The following FAM86B2 variants were observed in gnomAD, a reference collection of about 807,000 sequenced individuals.
FAM86B2 encodes family with sequence similarity 86 member B2.
FAM86B2 carries 1 observed loss-of-function variant against 26.5 expected under a neutral mutation model. That is an observed-to-expected ratio of 0.04 (90% CI 0.01 to 0.18). The LOEUF is 0.18. Ranked by LOEUF, FAM86B2 falls within the 10% of genes least tolerant of loss-of-function variation. FAM86B2 has a pLI of 1.00. For synonymous variants in FAM86B2, 11 were observed against 127.8 expected, an observed-to-expected ratio of 0.09 and a Z score of 6.17; for missense variants, 43 against 303.5, an observed-to-expected ratio of 0.14 and a Z score of 6.38.
At chr8:12,435,879 G>A (rs576207027) in intron 1 of FAM86B2, among the ~76,000 whole-genome samples, 1 of 142,622 alleles carries the variant, frequency 7.0e-6, no homozygotes, top group African/African-American at 2.6e-5. Flanking sequence ...GGAGGAGGTG[G>A]TTACCCGCGG....
At chr8:12,428,363 G>A (rs1812972941) in intron 6 of FAM86B2, among the ~76,000 whole-genome samples, 1 of 151,898 alleles carries the variant, frequency 6.6e-6, no homozygotes, top group African/African-American at 2.4e-5. Context: ...TGCGGTCTCT[G>A]AAGGACACAG....
chr8:12,428,030 A>C, intron 6 of FAM86B2, among the ~76,000 whole-genome samples: 1 of 62,194 alleles, frequency 1.6e-5, no homozygotes, highest in Non-Finnish European at 3.2e-5. Context: ...AAATCTCCAG[A>C]CTCACTGGTG....
Position 12,431,535 on chromosome 8 carries a change from TATAAATAA to T in FAM86B2, c.240+539_240+546del, listed in dbSNP as rs370935123. Among the ~76,000 whole-genome samples, 67 of 58,950 alleles carry T rather than the reference TATAAATAA, an allele frequency of 1.1e-3. 1 individual carries two copies. Among genetic ancestry groups the T allele is most frequent in the African/African-American group, 5.1e-3 (56 of 11,044 alleles). The allele number at this position is 58,950 out of a possible 152,430, so 38.7% of individuals were successfully genotyped here. A position where few individuals can be genotyped will look rare whatever the true frequency, so the allele number is the denominator to read the frequency against. On this transcript the variant is annotated intron_variant, in intron 3 of 7. Coordinates refer to ENST00000262365, the MANE Select transcript of FAM86B2 (RefSeq NM_001137610.3). Reference sequence around the variant, plus strand: ...GTGAGACTCTGTCTCAAAAAAAATATATAAATAAATAAATAAATAAATAAATAAATAAA... The same window carrying T: ...GTGAGACTCTGTCTCAAAAAAAATATATAAATAAATAAATAAATAAATAAA...
chr8:12,426,472 T>C (rs1372329324), intron 7 of FAM86B2, among the ~76,000 whole-genome samples: 39 of 4,556 alleles, frequency 8.6e-3, no homozygotes, highest in African/African-American at 0.03. Flanking sequence ...GACTTCCTTT[T>C]TTTTTTTTTT....
intron 1 of FAM86B2, among the ~76,000 whole-genome samples, chr8:12,434,942 C>T (rs1384872846): frequency 2.0e-5 from 3 of 151,732 alleles, no homozygotes; most frequent in Non-Finnish European, 4.4e-5. Context: ...CTGGTCTTTT[C>T]TTGTTTATTC....
intron 2 of FAM86B2, 147 bp downstream of exon 2, chr8:12,433,905 A>T: frequency 2.3e-6 from 1 of 441,204 alleles, no homozygotes. Context: ...AGGTGCTGAC[A>T]CCCTTCTGAA....
chr8:12,435,651 C>T (rs1435914925), intron 1 of FAM86B2, among the ~76,000 whole-genome samples: 1 of 138,768 alleles, frequency 7.2e-6, no homozygotes, highest in Non-Finnish European at 1.6e-5. Flanking sequence ...GAACGGGGTG[C>T]ATTAAGCCCC....
At chr8:12,435,932 GTC>G (rs1195931670) in intron 1 of FAM86B2, among the ~76,000 whole-genome samples, 1 of 150,852 alleles carries the variant, frequency 6.6e-6, no homozygotes, top group East Asian at 1.9e-4. Context: ...GTGCAGCTGT[GTC>G]CCAGTGACCA....
intron 6 of FAM86B2, among the ~76,000 whole-genome samples, chr8:12,428,339 G>A (rs1273773465): frequency 7.9e-5 from 12 of 151,188 alleles, no homozygotes; most frequent in African/African-American, 2.9e-4. Context: ...TACCAGAAGT[G>A]GTTGTTTTCC....
At chr8:12,434,836 G>A (rs1176997986) in intron 1 of FAM86B2, among the ~76,000 whole-genome samples, 15 of 150,098 alleles carry the variant, frequency 1.0e-4, no homozygotes, top group African/African-American at 3.7e-4. Context: ...CACCTCTTTG[G>A]GGAAGGCTTC....
chr8:12,430,704 T>TA (rs1454832177), intron 3 of FAM86B2, among the ~76,000 whole-genome samples: 16 of 50,120 alleles, frequency 3.2e-4, no homozygotes, highest in Admixed American at 5.0e-4. Flanking sequence ...ATCTTGTCTC[T>TA]AAAAAAAAAA....
chr8:12,426,364 A>G (rs1234719102), intron 7 of FAM86B2, among the ~76,000 whole-genome samples: 2 of 148,240 alleles, frequency 1.3e-5, no homozygotes, highest in Non-Finnish European at 3.0e-5. Flanking sequence ...AAAAAAAAAA[A>G]AAGGTTGGTT....
intron 1 of FAM86B2, among the ~76,000 whole-genome samples, chr8:12,434,720 C>T (rs1315082180): frequency 2.8e-5 from 4 of 144,122 alleles, no homozygotes; most frequent in African/African-American, 5.2e-5. Context: ...TGCTGTTGTT[C>T]CTCAACCACA....
intron 1 of FAM86B2, among the ~76,000 whole-genome samples, chr8:12,434,384 C>A (rs1424102262): frequency 4.8e-5 from 3 of 62,168 alleles, no homozygotes; most frequent in Admixed American, 2.0e-4. Flanking sequence ...TTACACTGGT[C>A]AGCCAGGAAT....
At chr8:12,428,281 T>A (rs1218641731) in intron 6 of FAM86B2, among the ~76,000 whole-genome samples, 1 of 141,430 alleles carries the variant, frequency 7.1e-6, no homozygotes, top group African/African-American at 2.6e-5. Flanking sequence ...GTGAGGGGTT[T>A]TCGGTGGCCC....
At chr8:12,430,145 GCCCAACAA>G (rs1218374349) in intron 4 of FAM86B2, among the ~76,000 whole-genome samples, 197 bp downstream of exon 4, 2 of 89,932 alleles carry the variant, frequency 2.2e-5, no homozygotes, top group Non-Finnish European at 5.0e-5. Context: ...TTGGACAAAT[GCCCAACAA>G]CCCCACGAGA....
chr8:12,428,427 G>A (rs1350342373), intron 6 of FAM86B2, among the ~76,000 whole-genome samples: 3 of 152,102 alleles, frequency 2.0e-5, no homozygotes, highest in Admixed American at 1.3e-4. Flanking sequence ...GAGTATGCCT[G>A]TCTCCAACAA....
rs1480194493 is a variant in FAM86B2, at chr8:12,429,506, CTG to C, written c.343-394_343-393del. Among the ~76,000 whole-genome samples, 2 of 85,412 alleles carry C rather than the reference CTG, an allele frequency of 2.3e-5. 1 individual carries two copies. Among genetic ancestry groups the C allele is most frequent in the Non-Finnish European group, 4.7e-5 (2 of 42,696 alleles). The allele number at this position is 85,412 out of a possible 152,430, so 56.0% of individuals were successfully genotyped here. A position where few individuals can be genotyped will look rare whatever the true frequency, so the allele number is the denominator to read the frequency against. On this transcript the variant is annotated intron_variant, in intron 4 of 7. Coordinates refer to ENST00000262365, the MANE Select transcript of FAM86B2 (RefSeq NM_001137610.3). The stretch of plus-strand genomic sequence containing the variant: ...TATCTCATTTTTTTTTTTTTGAGCT[CTG>C]TCACCCAGGCTGGAGTCAGTGGCAC...
chr8:12,435,028 C>T (rs200374665), intron 1 of FAM86B2, among the ~76,000 whole-genome samples: 5,464 of 133,358 alleles, frequency 0.041, 4 homozygotes, highest in Middle Eastern at 0.085. Flanking sequence ...GCCTGGCTCA[C>T]GGAAGGCATT....
Sources: allele counts gnomAD v4.1 joint callset (sites outside exome capture counted in the v4.1 genomes callset), GRCh38; gene constraint gnomAD v4.1.1; transcripts MANE v1.5; gene names NCBI Gene and HGNC (gene_info 2026-07-23, HGNC 2026-07-21).